Variants in PCYT1A observed in about 807,000 individuals in gnomAD.
PCYT1A encodes phosphate cytidylyltransferase 1A, choline.
Under a neutral mutation model 43.7 loss-of-function variants are expected in PCYT1A, and 25 were observed. That is an observed-to-expected ratio of 0.57 (90% CI 0.42 to 0.80). The LOEUF (loss-of-function observed/expected upper bound fraction) is 0.80. PCYT1A is among the 30% of genes least tolerant of loss of function. The pLI is 0.00. For missense variants in PCYT1A, 421 were observed against 474.2 expected (o/e 0.89, Z 1.04); for synonymous variants, 172 against 170.7 (o/e 1.01, Z -0.06).
Position 196,273,530 on chromosome 3 carries a change from G to A in PCYT1A, c.-10-2989C>T, listed in dbSNP as rs540992434. ...GACCCCAAGCGGGTAGCTCCTTTCC[G>A]CAGCAGGTCGTCCCAGCATCTGTGC... On this transcript the variant is annotated intron_variant, in intron 1 of 8. Coordinates refer to ENST00000431016, the MANE Select transcript of PCYT1A (RefSeq NM_001312673.2). This position sits in a 1 kb window ranked among gnomAD's most constrained non-coding sequence, Gnocchi z 4.1. 3.9e-5 allele frequency among the ~76,000 whole-genome samples: 6 copies of A among 152,316 alleles called. No homozygotes were observed. Among genetic ancestry groups the A allele is most frequent in the African/African-American group, 1.4e-4 (6 of 41,566 alleles).
At chr3:196,264,551 T>C (rs960117859) in intron 2 of PCYT1A, among the ~76,000 whole-genome samples, 3 of 152,204 alleles carry the variant, frequency 2.0e-5, no homozygotes, top group Non-Finnish European at 4.4e-5. Flanking sequence ...ACCCTTTTGA[T>C]GACGCTTTTC....
intron 1 of PCYT1A, among the ~76,000 whole-genome samples, chr3:196,283,055 G>T (rs1725812777): frequency 6.6e-6 from 1 of 152,108 alleles, no homozygotes; most frequent in African/African-American, 2.4e-5. Flanking sequence ...AGAAAGCAAG[G>T]GGCAAGGCAC....
chr3:196,263,190 G>C (rs1013022542), intron 2 of PCYT1A, among the ~76,000 whole-genome samples: 1 of 151,914 alleles, frequency 6.6e-6, no homozygotes, highest in Non-Finnish European at 1.5e-5. Flanking sequence ...AATGATAAAG[G>C]GTCCTCCCGA....
At chr3:196,257,918 G>A (rs1448833066) in intron 2 of PCYT1A, 31 bp from the exon 3 acceptor site, 6 of 1,357,604 alleles carry the variant, frequency 4.4e-6, no homozygotes, top group Admixed American at 1.7e-5. Context: ...GGAAAAGAAA[G>A]TTCAACTCAA....
intron 2 of PCYT1A, among the ~76,000 whole-genome samples, chr3:196,267,648 T>C (rs374986734): frequency 2.5e-3 from 375 of 151,910 alleles, no homozygotes; most frequent in African/African-American, 8.6e-3. Flanking sequence ...GCCCAGAAAG[T>C]TGAGGCTGCA....
chr3:196,241,500 G>A (rs1724354919), intron 7 of PCYT1A: 1 of 1,288,482 alleles, frequency 7.8e-7, no homozygotes, highest in Non-Finnish European at 1.0e-6. Context: ...GTTTCTAAAA[G>A]GCAATATTAA....
chr3:196,272,805 T>C (rs1471553381), intron 1 of PCYT1A, among the ~76,000 whole-genome samples: 3 of 152,270 alleles, frequency 2.0e-5, no homozygotes, highest in Non-Finnish European at 4.4e-5. Context: ...AAGTTCTGAA[T>C]ATTCTGTATT....
In PCYT1A at chr3:196,273,450, G is replaced by A. The variant is rs1725495125; in HGVS notation, c.-10-2909C>T. 6.6e-6 allele frequency among the ~76,000 whole-genome samples: 1 copy of A among 152,198 alleles called. No homozygotes were observed. Among genetic ancestry groups the A allele is most frequent in the Non-Finnish European group, 1.5e-5 (1 of 68,022 alleles). On this transcript the variant is annotated intron_variant, in intron 1 of 8. Transcript: ENST00000431016. The surrounding 1 kb of genome is among the most constrained non-coding windows in gnomAD (Gnocchi z 4.1). ...GGAAGAATGAGGTATATGGACAACT[G>A]GAGGACGAGCAAGGTGAAGAGGTGC...
chr3:196,262,406 A>G (rs928446222), intron 2 of PCYT1A, among the ~76,000 whole-genome samples: 1 of 152,234 alleles, frequency 6.6e-6, no homozygotes, highest in African/African-American at 2.4e-5. Flanking sequence ...TCACAAAAGT[A>G]GGCACTCGAC....
intron 8 of PCYT1A, 112 bp from the exon 9 acceptor site, chr3:196,239,006 C>T (rs1724270277): frequency 1.8e-6 from 1 of 544,014 alleles, no homozygotes; most frequent in Non-Finnish European, 2.9e-6. Context: ...AAGGGTTCTC[C>T]CCTGCTGTCA....
rs967678168 is a variant in PCYT1A at position 196,273,608 on chromosome 3, T to C, written c.-10-3067A>G. Among the ~76,000 whole-genome samples the C allele has an allele frequency of 2.7e-5, 4 of 150,718 alleles. No homozygotes were observed. On this transcript the variant is annotated intron_variant, in intron 1 of 8. Transcript: ENST00000431016. The surrounding 1 kb of genome is among the most constrained non-coding windows in gnomAD (Gnocchi z 4.1). ...TGGATAGCTCCTATCTGCAGGCAGG[T>C]CATCCTGACGTCTCTGCAGCCCTCA...
At chr3:196,241,870 C>G in intron 7 of PCYT1A, 78 bp downstream of exon 7, 1 of 1,534,682 alleles carries the variant, frequency 6.5e-7, no homozygotes, top group Non-Finnish European at 9.0e-7. Context: ...AACTGCAAAG[C>G]CAGTTCAGCT....
chr3:196,273,471 G>A lies in PCYT1A; in HGVS notation c.-10-2930C>T, dbSNP rs1291816325. ...AACTGGAGGACGAGCAAGGTGAAGA[G>A]GTGCTTTATTGAGCAACACAACAGC... On this transcript the variant is annotated intron_variant, in intron 1 of 8. Transcript: ENST00000431016. The surrounding 1 kb of genome is among the most constrained non-coding windows in gnomAD (Gnocchi z 4.1). Among the ~76,000 whole-genome samples, 2 of 152,228 alleles carry A rather than the reference G, an allele frequency of 1.3e-5. No individual in the cohort carries two copies. Among genetic ancestry groups the A allele is most frequent in the East Asian group, 3.9e-4 (2 of 5,194 alleles).
chr3:196,238,442 C>T lies in PCYT1A; in HGVS notation c.*246G>A, dbSNP rs1724236148. On this transcript the variant is annotated 3_prime_UTR_variant, in exon 9 of 9. Coordinates refer to ENST00000431016, the MANE Select transcript of PCYT1A (RefSeq NM_001312673.2). ...TGAACATAAACAGTGAAACAAAGCC[C>T]TTGGGGGGGGGTAAATGGATGCAGA... is the stretch of plus-strand genomic sequence containing the variant. 2.9e-6 allele frequency: 1 copy of T among 342,910 alleles called. No individual in the cohort carries two copies. Among genetic ancestry groups the T allele is most frequent in the Non-Finnish European group, 5.2e-6 (1 of 191,240 alleles). 21.2% of individuals were successfully genotyped at this position (342,910 alleles called of 1,614,324 possible).
At chr3:196,271,282 G>A (rs77090907) in intron 1 of PCYT1A, among the ~76,000 whole-genome samples, 9,416 of 152,070 alleles carry the variant, frequency 0.062, 409 homozygotes, top group Non-Finnish European at 0.098. Flanking sequence ...AACTCCCAAA[G>A]ACTTGGGATG....
chr3:196,278,624 A>G (rs1195262752), intron 1 of PCYT1A, among the ~76,000 whole-genome samples: 1 of 152,178 alleles, frequency 6.6e-6, no homozygotes, highest in Non-Finnish European at 1.5e-5. Context: ...GAGCCCTACT[A>G]GGATGGGCCA....
rs1439409786 is a variant in PCYT1A at position 196,268,331 on chromosome 3, G to A, written c.117+2084C>T. ...GTACACACCACCATTTCTTTAATCTGAATTATCTAAGAAATATTCAGAAAC... is the reference window on the plus strand; with the variant it reads ...GTACACACCACCATTTCTTTAATCTAAATTATCTAAGAAATATTCAGAAAC... On this transcript the variant is annotated intron_variant, in intron 2 of 8. Transcript: ENST00000431016. The surrounding 1 kb of genome is among the most constrained non-coding windows in gnomAD (Gnocchi z 4.4). 6.6e-6 allele frequency among the ~76,000 whole-genome samples: 1 copy of A among 152,102 alleles called. No homozygotes were observed. The highest frequency in any genetic ancestry group is 1.9e-4 in the East Asian group (1 of 5,208).
chr3:196,276,193 A>T (rs1366522688), intron 1 of PCYT1A, among the ~76,000 whole-genome samples: 2 of 152,220 alleles, frequency 1.3e-5, no homozygotes, highest in Admixed American at 6.5e-5. Context: ...CCACAAAAAA[A>T]TAAGTATATA....
chr3:196,275,862 C>T (rs1205638672), intron 1 of PCYT1A, among the ~76,000 whole-genome samples: 1 of 152,010 alleles, frequency 6.6e-6, no homozygotes, highest in Non-Finnish European at 1.5e-5. Context: ...CTTTGGGACG[C>T]CAAGGCAGGC....
Sources: allele counts gnomAD v4.1 joint callset (sites outside exome capture counted in the v4.1 genomes callset), GRCh38; gene constraint gnomAD v4.1.1; non-coding constraint Gnocchi (gnomAD v3.1); transcripts MANE v1.5; gene names NCBI Gene and HGNC (gene_info 2026-07-23, HGNC 2026-07-21).